MCC: variants seen among roughly 807,000 people sequenced by gnomAD.
MCC encodes the protein colorectal mutant cancer protein.
A neutral mutation model predicts 116.2 loss-of-function variants in MCC; 90 were observed. That is an observed-to-expected ratio of 0.77 (90% CI 0.65 to 0.92). The LOEUF is 0.92. Among genes scored for constraint, MCC ranks in the 40% least tolerant of loss-of-function variants. The probability of loss-of-function intolerance (pLI) is 0.00; values close to 1 mark genes in which losing one functional copy is unlikely to be tolerated. For synonymous variants in MCC, 578 were observed against 510.5 expected (o/e 1.13, Z -1.78); for missense variants, 1,516 against 1,312.2 (o/e 1.16, Z -2.40).
chr5:113,042,399 C>G (rs1258302764), intron 17 of MCC, among the ~76,000 whole-genome samples: 1 of 142,648 alleles, frequency 7.0e-6, no homozygotes, highest in African/African-American at 2.6e-5. Flanking sequence ...CACTTGAGCC[C>G]AGGAGATTGA....
chr5:113,168,055 C>T (rs1349660719), intron 3 of MCC, among the ~76,000 whole-genome samples: 1 of 152,098 alleles, frequency 6.6e-6, no homozygotes, highest in African/African-American at 2.4e-5. Flanking sequence ...GTTGTATGTC[C>T]GTGAAGAAAA....
intron 2 of MCC, among the ~76,000 whole-genome samples, chr5:113,375,673 C>T (rs1280009596): frequency 1.3e-5 from 2 of 152,248 alleles, no homozygotes; most frequent in Middle Eastern, 3.4e-3. Flanking sequence ...TGGCTGTTGG[C>T]TGGGCCTCCC....
rs540739789 is a variant in MCC at position 113,189,980 on chromosome 5, T to C, written c.628-38558A>G. 3.9e-5 allele frequency among the ~76,000 whole-genome samples: 6 copies of C among 152,294 alleles called. No individual in the cohort carries two copies. The South Asian group carries it at 1.2e-3, about 32-fold the overall frequency. ...AGTCCACTGAGATCCCACTGGCTAATGGACCACTCAGGGGCCTGTGTCCGC... is the reference window on the plus strand; with the variant it reads ...AGTCCACTGAGATCCCACTGGCTAACGGACCACTCAGGGGCCTGTGTCCGC... On this transcript the variant is annotated intron_variant, in intron 3 of 18. Transcript: ENST00000408903.
rs556902735 is a variant in MCC, at chr5:113,418,279, AAAAAT to A, written c.171-33072_171-33068del. Among the ~76,000 whole-genome samples the A allele has an allele frequency of 4.7e-3, 709 of 152,128 alleles. 6 individuals carry two copies. The highest frequency in any genetic ancestry group is 0.016 in the African/African-American group (676 of 41,552). ...TAAAAGTATAATAATAAAATAAAAC[AAAAAT>A]AAAAATAAAAAAGAAAGAAAAGAAA... On this transcript the variant is annotated intron_variant, in intron 1 of 18. Transcript: ENST00000408903.
chr5:113,271,210 A>G (rs764904967), intron 3 of MCC, among the ~76,000 whole-genome samples: 6 of 152,184 alleles, frequency 3.9e-5, no homozygotes, highest in Non-Finnish European at 7.3e-5. Flanking sequence ...GTGGATTCCT[A>G]TGCGCTTAAG....
At chr5:113,099,409 T>C (rs1756254494) in intron 8 of MCC, among the ~76,000 whole-genome samples, 1 of 152,232 alleles carries the variant, frequency 6.6e-6, no homozygotes. Flanking sequence ...AGGATTCCTA[T>C]TTAAAAAAAT....
rs373955795 is a variant in MCC at position 113,434,144 on chromosome 5, G to A, written c.171-48932C>T. 9.6e-5 allele frequency: 155 copies of A among 1,614,136 alleles called. 1 individual carries two copies. The South Asian group carries it at 1.3e-3, about 13-fold the overall frequency. The stretch of plus-strand genomic sequence containing the variant: ...GGTGCTTGGAGCGTGGGAAGTTGAC[G>A]CGGTGCTCCTTCTGGATACGCAGCA... On this transcript the variant is annotated intron_variant, in intron 1 of 18. Transcript: ENST00000408903. This position sits in a 1 kb window ranked among gnomAD's most constrained non-coding sequence, Gnocchi z 4.2.
chr5:113,040,560 A>G (rs535911080), intron 17 of MCC, among the ~76,000 whole-genome samples: 108 of 152,264 alleles, frequency 7.1e-4, no homozygotes, highest in African/African-American at 2.4e-3. Context: ...AATACCTTCA[A>G]AAAAGGTGTT....
chr5:113,263,088 A>C (rs1765274319), intron 3 of MCC, among the ~76,000 whole-genome samples: 1 of 152,120 alleles, frequency 6.6e-6, no homozygotes, highest in Non-Finnish European at 1.5e-5. Context: ...AAGAAACCAA[A>C]AGTCCTCAGT....
intron 16 of MCC, among the ~76,000 whole-genome samples, chr5:113,046,588 C>T (rs1191674516): frequency 6.6e-6 from 1 of 150,896 alleles, no homozygotes; most frequent in African/African-American, 2.4e-5. Context: ...CATGGGCCTT[C>T]TGGCAAGAAC....
intron 3 of MCC, among the ~76,000 whole-genome samples, chr5:113,221,933 G>A (rs148634833): frequency 6.6e-6 from 1 of 152,220 alleles, no homozygotes; most frequent in East Asian, 1.9e-4. Flanking sequence ...CAATTCCCCT[G>A]TCTTGATAAA....
chr5:113,340,725 A>G lies in MCC; in HGVS notation c.421T>C (p.Leu141=), dbSNP rs769591160. The G allele has an allele frequency of 1.2e-6, 2 of 1,613,038 alleles. No homozygotes were observed. Among genetic ancestry groups the G allele is most frequent in the East Asian group, 4.5e-5 (2 of 44,846 alleles). ...PTSSDNSLGA[L]SAARESWEYD... ...TCCCAGCTCTCCCTGGCTGCTGATA[A>G]GGCACCTAAGTCCGAGAGAAGCAGA... Residue 141 remains leucine (L), a synonymous_variant, in exon 3 of 19, where the codon TTA becomes CTA. Coordinates refer to ENST00000408903, the MANE Select transcript of MCC (RefSeq NM_001085377.2).
chr5:113,343,181 A>G (rs1048289938), intron 2 of MCC, among the ~76,000 whole-genome samples: 2 of 152,222 alleles, frequency 1.3e-5, no homozygotes, highest in Non-Finnish European at 2.9e-5. Flanking sequence ...CAATGTGAAT[A>G]GGAAAACTGT....
At chr5:113,429,107 G>T (rs952899819) in intron 1 of MCC, among the ~76,000 whole-genome samples, 6 of 152,146 alleles carry the variant, frequency 3.9e-5, no homozygotes, top group African/African-American at 1.4e-4. Context: ...GAGGGGGAGT[G>T]TTGTATAGTG....
chr5:113,462,199 A>G (rs965444752), intron 1 of MCC, among the ~76,000 whole-genome samples: 1 of 152,242 alleles, frequency 6.6e-6, no homozygotes, highest in African/African-American at 2.4e-5. Flanking sequence ...TTCTGGAACC[A>G]TCCATGTGGG....
chr5:113,170,027 A>G (rs888946550), intron 3 of MCC, among the ~76,000 whole-genome samples: 12 of 152,290 alleles, frequency 7.9e-5, no homozygotes, highest in African/African-American at 2.9e-4. Context: ...TACAGCTACT[A>G]TGGTAGAATT....
chr5:113,027,120 C>G lies in MCC; in HGVS notation c.*182G>C. 1 of 622,378 alleles carries G rather than the reference C, an allele frequency of 1.6e-6. No homozygotes were observed. Among genetic ancestry groups the G allele is most frequent in the Non-Finnish European group, 2.8e-6 (1 of 356,798 alleles). 38.6% of individuals were successfully genotyped at this position (622,378 alleles called of 1,614,324 possible). ...AAGAGCGGGCACCTCTGGATACAGT[C>G]CACAATGTCACCATGGCCAGTCGCC... On this transcript the variant is annotated 3_prime_UTR_variant, in exon 19 of 19. Coordinates refer to ENST00000408903, the MANE Select transcript of MCC (RefSeq NM_001085377.2).
At chr5:113,047,001 T>G (rs951714330) in intron 16 of MCC, among the ~76,000 whole-genome samples, 6 of 152,188 alleles carry the variant, frequency 3.9e-5, no homozygotes, top group Non-Finnish European at 7.3e-5. Context: ...TTAAACGTGC[T>G]GTCCCATCAG....
At chr5:113,076,203 G>A (rs113343624) in intron 11 of MCC, among the ~76,000 whole-genome samples, 77 of 152,274 alleles carry the variant, frequency 5.1e-4, no homozygotes, top group Middle Eastern at 3.4e-3. Flanking sequence ...TGAAAGTGAT[G>A]GGGAGAATGG....
Sources: allele counts gnomAD v4.1 joint callset (sites outside exome capture counted in the v4.1 genomes callset), GRCh38; gene constraint gnomAD v4.1.1; non-coding constraint Gnocchi (gnomAD v3.1); transcripts MANE v1.5; gene names NCBI Gene and HGNC (gene_info 2026-07-23, HGNC 2026-07-21).